The following SOAT2 variants were observed in gnomAD, a reference collection of about 807,000 sequenced individuals.
SOAT2 encodes ACAT-2.
Under a neutral mutation model 76.0 loss-of-function variants are expected in SOAT2, and 87 were observed. That is an observed-to-expected ratio of 1.14 (90% CI 0.96 to 1.37). The LOEUF is 1.37. SOAT2 is among the 40% of genes most tolerant of loss of function. The pLI is 0.00. For synonymous variants in SOAT2, 285 were observed against 275.4 expected, an observed-to-expected ratio of 1.03 and a Z score of -0.34; for missense variants, 686 against 682.1, an observed-to-expected ratio of 1.01 and a Z score of -0.06.
chr12:53,123,777 C>T lies in SOAT2; in HGVS notation c.1422C>T (p.Asn474=), dbSNP rs749095677. The T allele has an allele frequency of 3.7e-6, 6 of 1,614,188 alleles. No individual in the cohort carries two copies. The highest frequency in any genetic ancestry group is 2.2e-5 in the East Asian group (1 of 44,878). ...MHDQRTGPAW[N]VLMWTMLFLG... ...ACCAGCGCACCGGCCCGGCATGGAA[C>T]GTGCTGATGTGGACCATGCTGTTTC... Residue 474 remains asparagine (N), a synonymous_variant, in exon 14 of 15, where the codon AAC becomes AAT. Coordinates refer to ENST00000301466, the MANE Select transcript of SOAT2 (RefSeq NM_003578.4).
At chr12:53,119,986 C>T (rs1011480615) in intron 10 of SOAT2, among the ~76,000 whole-genome samples, 1 of 152,178 alleles carries the variant, frequency 6.6e-6, no homozygotes, top group Admixed American at 6.6e-5. Context: ...TCTCTATCAC[C>T]AACATCTGGC....
intron 7 of SOAT2, among the ~76,000 whole-genome samples, chr12:53,117,519 A>C (rs945580687): frequency 1.6e-4 from 24 of 152,104 alleles, no homozygotes; most frequent in African/African-American, 5.8e-4. Context: ...TTGTCAGTTA[A>C]GTTTGCTCTC....
At position 53,123,222 on chromosome 12, in the gene SOAT2, C is replaced by G. The variant is rs1461224207; in HGVS notation, c.1372+6C>G. On this transcript the variant is annotated splice_donor_region_variant and intron_variant, in intron 13 of 14. Transcript: ENST00000301466. ...ACTCTTCCTTGTCATTGGAGGTGAGCTGGTCTCTGTGCCACTGGAAGGGAG... is the reference window on the plus strand; with the variant it reads ...ACTCTTCCTTGTCATTGGAGGTGAGGTGGTCTCTGTGCCACTGGAAGGGAG... The G allele has an allele frequency of 6.2e-7, 1 of 1,613,676 alleles. No individual in the cohort carries two copies. Among genetic ancestry groups the G allele is most frequent in the South Asian group, 1.1e-5 (1 of 91,082 alleles).
intron 5 of SOAT2, among the ~76,000 whole-genome samples, chr12:53,111,339 C>T (rs2121273476): frequency 6.6e-6 from 1 of 152,220 alleles, no homozygotes; most frequent in Non-Finnish European, 1.5e-5. Flanking sequence ...GATCTCCTGA[C>T]CTCATGATCT....
In SOAT2 at chr12:53,106,031, C is replaced by A. The variant is rs1394657737; in HGVS notation, c.443+17C>A. On this transcript the variant is annotated intron_variant, in intron 5 of 14. Coordinates refer to ENST00000301466, the MANE Select transcript of SOAT2 (RefSeq NM_003578.4). ...TGAGGGCAGGTAGGTCCCCTTCCCACCTGGGACAGGCACACCTATCTGATC... is the reference window on the plus strand; with the variant it reads ...TGAGGGCAGGTAGGTCCCCTTCCCAACTGGGACAGGCACACCTATCTGATC... The A allele has an allele frequency of 1.3e-6, 2 of 1,573,712 alleles. No homozygotes were observed. The highest frequency in any genetic ancestry group is 1.7e-6 in the Non-Finnish European group (2 of 1,144,024).
chr12:53,110,096 A>G (rs1179427715), intron 5 of SOAT2, among the ~76,000 whole-genome samples: 1 of 152,216 alleles, frequency 6.6e-6, no homozygotes, highest in Non-Finnish European at 1.5e-5. Context: ...TTACCTTTTA[A>G]TCTAGGGAAA....
chr12:53,105,614 T>G lies in SOAT2; in HGVS notation c.329T>G (p.Leu110Arg). The G allele has an allele frequency of 6.2e-7, 1 of 1,610,028 alleles. No individual in the cohort carries two copies. Among genetic ancestry groups the G allele is most frequent in the African/African-American group, 1.3e-5 (1 of 74,990 alleles). The change falls in exon 4 of 15, where the codon CTG (leucine) becomes CGG (arginine). Residue 110 changes from leucine (L) to arginine (R), a missense_variant. Physicochemically the swap from Leu to Arg is moderately radical, Grantham distance 102. Transcript: ENST00000301466. Reference protein sequence around the residue: ...KQKVFIIRKSLLDELMEVQHF... With the variant: ...KQKVFIIRKSRLDELMEVQHF... ...AAAGTTTTCATCATCCGCAAGTCCC[T>G]GCTTGAGTAAGTCGGGGTGATGACA...
chr12:53,113,027 C>A (rs1469954275), intron 5 of SOAT2, among the ~76,000 whole-genome samples: 1 of 152,106 alleles, frequency 6.6e-6, no homozygotes. Flanking sequence ...GCCACCTTGG[C>A]CTCCCAAAGT....
intron 7 of SOAT2, 67 bp downstream of exon 7, chr12:53,116,233 G>T: frequency 1.4e-6 from 2 of 1,424,744 alleles, no homozygotes; most frequent in Non-Finnish European, 2.0e-6. Context: ...GCCAGCAGGT[G>T]CAGGATCCTG....
At chr12:53,120,469 AAAT>A (rs1468884340) in intron 10 of SOAT2, among the ~76,000 whole-genome samples, 1 of 151,866 alleles carries the variant, frequency 6.6e-6, no homozygotes, top group Non-Finnish European at 1.5e-5. Context: ...CGTCTCAAAA[AAAT>A]AATAATAATA....
rs1277488653 is a variant in SOAT2, at chr12:53,106,015, G to T, written c.443+1G>T. 3 of 1,609,798 alleles carry T rather than the reference G, an allele frequency of 1.9e-6. No individual in the cohort carries two copies. Among genetic ancestry groups the T allele is most frequent in the African/African-American group, 1.3e-5 (1 of 74,840 alleles). Reference sequence around the variant, plus strand: ...CCATCGACTTCATTGATGAGGGCAGGTAGGTCCCCTTCCCACCTGGGACAG... The same window carrying T: ...CCATCGACTTCATTGATGAGGGCAGTTAGGTCCCCTTCCCACCTGGGACAG... On this transcript the variant is annotated splice_donor_variant, in intron 5 of 14. Coordinates refer to ENST00000301466, the MANE Select transcript of SOAT2 (RefSeq NM_003578.4). LOFTEE classifies it high-confidence loss of function.
intron 5 of SOAT2, among the ~76,000 whole-genome samples, chr12:53,113,441 C>T (rs1254682861): frequency 1.3e-5 from 2 of 152,184 alleles, no homozygotes; most frequent in Admixed American, 6.5e-5. Flanking sequence ...AAAAATCTCA[C>T]GGGCAGCTGC....
intron 13 of SOAT2, 93 bp downstream of exon 13, chr12:53,123,309 G>C: frequency 1.3e-6 from 2 of 1,497,072 alleles, no homozygotes; most frequent in Non-Finnish European, 1.8e-6. Flanking sequence ...GGGAGGCCTC[G>C]CCCCCAGGCC....
At chr12:53,104,608 G>C (rs980550325) in intron 2 of SOAT2, among the ~76,000 whole-genome samples, 56 of 152,078 alleles carry the variant, frequency 3.7e-4, no homozygotes, top group Admixed American at 9.8e-4. Flanking sequence ...GATCGGATTC[G>C]AATTAAGGAT....
chr12:53,103,694 A>G (rs1443806654), intron 1 of SOAT2, 35 bp downstream of exon 1: 1 of 1,460,690 alleles, frequency 6.8e-7, no homozygotes, highest in Non-Finnish European at 9.1e-7. Context: ...AGGCACAGGC[A>G]AGTGGGGGGG....
At chr12:53,119,033 G>A (rs1938148105) in intron 9 of SOAT2, 91 bp from the exon 10 acceptor site, 5 of 1,610,060 alleles carry the variant, frequency 3.1e-6, no homozygotes, top group Middle Eastern at 1.8e-4. Context: ...GTGATGCCAA[G>A]GGAAGAGAAG....
rs4244355 is a variant in SOAT2, at chr12:53,123,135, G to T, written c.1291G>T (p.Ala431Ser). The T allele has an allele frequency of 6.2e-6, 10 of 1,614,026 alleles. No homozygotes were observed. The Admixed American group carries it at 6.7e-5, about 11-fold the overall frequency. Residue 431 changes from alanine to serine, a missense_variant, in exon 13 of 15, where the codon GCA becomes TCA. Ala to Ser is a moderately conservative substitution (Grantham distance 99). Transcript: ENST00000301466. ...CATGCTGGGTGTGTTCCTGGTCTCC[G>T]CAGTGGCCCATGAGTATATCTTCTG... is the stretch of plus-strand genomic sequence containing the variant. ...VAMLGVFLVS[A>S]VAHEYIFCFV...
chr12:53,106,617 G>T (rs1384388395), intron 5 of SOAT2, among the ~76,000 whole-genome samples: 1 of 152,226 alleles, frequency 6.6e-6, no homozygotes, highest in Non-Finnish European at 1.5e-5. Flanking sequence ...GCCCAATAAC[G>T]AGATGCAGAT....
Position 53,123,054 on chromosome 12 carries a change from T to C in SOAT2, c.1237-27T>C, listed in dbSNP as rs1402689558. 3 of 1,594,706 alleles carry C rather than the reference T, an allele frequency of 1.9e-6. No homozygotes were observed. The South Asian group carries it at 3.4e-5, about 18-fold the overall frequency. ...TGTGGAGGAGCTCAGGGAGACTTAC[T>C]CTTCACTCCTTTCCTCACCCTGCCA... On this transcript the variant is annotated intron_variant, in intron 12 of 14. Transcript: ENST00000301466.
Sources: allele counts gnomAD v4.1 joint callset (sites outside exome capture counted in the v4.1 genomes callset), GRCh38; gene constraint gnomAD v4.1.1; transcripts MANE v1.5; gene names NCBI Gene and HGNC (gene_info 2026-07-23, HGNC 2026-07-21).